The following BABAM2 variants were observed in gnomAD, a reference collection of about 807,000 sequenced individuals.
The protein encoded by BABAM2 is BRISC and BRCA1 A complex member 2.
In BABAM2, 31 loss-of-function variants were observed where a neutral mutation model predicts 54.7. That is an observed-to-expected ratio of 0.57 (90% CI 0.43 to 0.77). The LOEUF (loss-of-function observed/expected upper bound fraction) is 0.77, where lower values mean the gene tolerates loss of function less well. BABAM2 is among the 30% of genes least tolerant of loss of function. BABAM2 has a pLI of 0.00. For missense variants in BABAM2, 364 were observed against 455.8 expected (o/e 0.80, Z 1.83); for synonymous variants, 167 against 162.9 (o/e 1.03, Z -0.19).
intron 5 of BABAM2, among the ~76,000 whole-genome samples, chr2:28,035,293 C>T (rs1676584673): frequency 6.6e-6 from 1 of 151,978 alleles, no homozygotes; most frequent in Non-Finnish European, 1.5e-5. Flanking sequence ...GAGAGGAGGG[C>T]AAGAGTTGCT....
intron 6 of BABAM2, among the ~76,000 whole-genome samples, chr2:28,091,653 TAG>T: frequency 6.6e-6 from 1 of 152,294 alleles, no homozygotes; most frequent in Middle Eastern, 3.4e-3. Flanking sequence ...TTCTGAGTCT[TAG>T]AGAACTATAA....
chr2:28,253,758 A>G (rs1482355782), intron 10 of BABAM2, among the ~76,000 whole-genome samples: 1 of 152,208 alleles, frequency 6.6e-6, no homozygotes, highest in Non-Finnish European at 1.5e-5. Context: ...TGCACAGGTC[A>G]GAGAGATATG....
Position 28,119,397 on chromosome 2 carries a change from C to T in BABAM2, c.571-9874C>T, listed in dbSNP as rs552410965. Among the ~76,000 whole-genome samples the T allele has an allele frequency of 8.5e-5, 13 of 152,318 alleles. No individual in the cohort carries two copies. In the South Asian group the frequency reaches 2.3e-3, roughly 27 times the overall value. The stretch of plus-strand genomic sequence containing the variant: ...ACTACAAAGGATTCCCCTCACCCAA[C>T]CTCTCTGGCCTCCAGAGTAGGGGCT... On this transcript the variant is annotated intron_variant, in intron 6 of 11. Coordinates refer to ENST00000379624, the MANE Select transcript of BABAM2 (RefSeq NM_199191.3).
At chr2:27,962,312 C>T (rs967528945) in intron 3 of BABAM2, among the ~76,000 whole-genome samples, 2 of 151,984 alleles carry the variant, frequency 1.3e-5, no homozygotes, top group Non-Finnish European at 1.5e-5. Flanking sequence ...TGCTTTATTG[C>T]CTAGGGTGGT....
chr2:28,167,555 A>G (rs1673821515), intron 7 of BABAM2, among the ~76,000 whole-genome samples: 1 of 151,960 alleles, frequency 6.6e-6, no homozygotes. Context: ...TTAGCCAGAC[A>G]TTGTGGCGGG....
intron 6 of BABAM2, among the ~76,000 whole-genome samples, chr2:28,054,185 T>A: frequency 6.6e-6 from 1 of 152,114 alleles, no homozygotes; most frequent in East Asian, 1.9e-4. Flanking sequence ...TGGTGCATCA[T>A]AAATAGATAC....
At chr2:28,023,846 A>G (rs555934745) in intron 4 of BABAM2, among the ~76,000 whole-genome samples, 26 of 152,244 alleles carry the variant, frequency 1.7e-4, no homozygotes, top group African/African-American at 6.3e-4. Context: ...AGTAGTGTTG[A>G]TGGTTCTCAA....
rs1347929548 is a variant in BABAM2, at chr2:28,322,953, AAAAG to A, written c.1089-15492_1089-15489del. On this transcript the variant is annotated intron_variant, in intron 11 of 11. Transcript: ENST00000379624. The surrounding 1 kb of genome is among the most constrained non-coding windows in gnomAD (Gnocchi z 4.1). Reference sequence around the variant, plus strand: ...AATATCCCCACATACCTCTGAGCAGAAAAGAAAGCCAGCCCAAGGCAGGAATTTT... The same window carrying A: ...AATATCCCCACATACCTCTGAGCAGAAAAGCCAGCCCAAGGCAGGAATTTT... Among the ~76,000 whole-genome samples, 1 of 152,224 alleles carries A rather than the reference AAAAG, an allele frequency of 6.6e-6. No homozygotes were observed. The highest frequency in any genetic ancestry group is 1.5e-5 in the Non-Finnish European group (1 of 68,038).
rs774724440 is a variant in BABAM2 at position 27,894,657 on chromosome 2, G to A, written c.101G>A (p.Cys34Tyr). ...NGKVGLDATN[C>Y]LRITDLKSGC... Reference sequence around the variant, plus strand: ...AAAGTGGGACTGGATGCTACAAACTGTTTGAGGATAACTGACTTAAAATCT... The same window carrying A: ...AAAGTGGGACTGGATGCTACAAACTATTTGAGGATAACTGACTTAAAATCT... Residue 34 changes from cysteine to tyrosine, a missense_variant, in exon 2 of 12, where the codon TGT (cysteine) becomes TAT (tyrosine). Coordinates refer to ENST00000379624, the MANE Select transcript of BABAM2 (RefSeq NM_199191.3). 2.9e-5 allele frequency: 46 copies of A among 1,614,020 alleles called. No homozygotes were observed. The highest frequency in any genetic ancestry group is 3.9e-5 in the Non-Finnish European group (46 of 1,180,020).
intron 6 of BABAM2, among the ~76,000 whole-genome samples, chr2:28,102,110 C>G (rs1449874415): frequency 1.3e-5 from 2 of 152,160 alleles, no homozygotes; most frequent in Admixed American, 6.5e-5. Flanking sequence ...AAGGTAGGCT[C>G]TAAGAGGAGG....
intron 10 of BABAM2, among the ~76,000 whole-genome samples, chr2:28,277,748 C>T (rs906894371): frequency 2.0e-5 from 3 of 152,174 alleles, no homozygotes; most frequent in African/African-American, 4.8e-5. Context: ...AGGAGAAAAG[C>T]CTTGTGTACC....
intron 2 of BABAM2, among the ~76,000 whole-genome samples, chr2:27,928,516 G>T (rs1237588946): frequency 2.6e-5 from 4 of 152,144 alleles, no homozygotes; most frequent in Non-Finnish European, 5.9e-5. Flanking sequence ...TTAACGTGGG[G>T]TCTGAGTTAC....
rs1031214561 is a variant in BABAM2 at position 28,100,189 on chromosome 2, C to A, written c.571-29082C>A. 4.6e-5 allele frequency among the ~76,000 whole-genome samples: 7 copies of A among 152,112 alleles called. No individual in the cohort carries two copies. The East Asian group carries it at 1.4e-3, about 29-fold the overall frequency. ...CCTTGGCCAGGCACAGTGGCTCACA[C>A]CTGTAGTCCCAGCACTTTGGGAGGC... On this transcript the variant is annotated intron_variant, in intron 6 of 11. Transcript: ENST00000379624.
At chr2:28,277,676 T>A (rs1366093689) in intron 10 of BABAM2, among the ~76,000 whole-genome samples, 1 of 152,222 alleles carries the variant, frequency 6.6e-6, no homozygotes, top group Non-Finnish European at 1.5e-5. Flanking sequence ...ACCTGCTATG[T>A]CTGTAGCACT....
chr2:27,924,228 A>T (rs1173149647), intron 2 of BABAM2, among the ~76,000 whole-genome samples: 1 of 152,094 alleles, frequency 6.6e-6, no homozygotes, highest in Non-Finnish European at 1.5e-5. Flanking sequence ...ACTTACTTGA[A>T]GTGGGGATGG....
intron 7 of BABAM2, among the ~76,000 whole-genome samples, chr2:28,204,344 A>T (rs192510162): frequency 1.4e-3 from 217 of 152,270 alleles, no homozygotes; most frequent in African/African-American, 5.0e-3. Flanking sequence ...TGAAAATGTG[A>T]TGTTTAGGCC....
chr2:28,143,996 G>A (rs997207625), intron 7 of BABAM2, among the ~76,000 whole-genome samples: 4 of 152,176 alleles, frequency 2.6e-5, no homozygotes, highest in Non-Finnish European at 4.4e-5. Context: ...GCACACACTG[G>A]TTAAGACCAC....
At chr2:28,259,566 A>T (rs1558480179) in intron 10 of BABAM2, among the ~76,000 whole-genome samples, 1 of 152,198 alleles carries the variant, frequency 6.6e-6, no homozygotes, top group African/African-American at 2.4e-5. Context: ...TGTGTCTTTC[A>T]TAGAGCAAAA....
chr2:28,280,396 T>C (rs1360743149), intron 10 of BABAM2, among the ~76,000 whole-genome samples: 1 of 152,046 alleles, frequency 6.6e-6, no homozygotes, highest in Non-Finnish European at 1.5e-5. Flanking sequence ...ATCCCACAGG[T>C]CATTCTTTAA....
Sources: allele counts gnomAD v4.1 joint callset (sites outside exome capture counted in the v4.1 genomes callset), GRCh38; gene constraint gnomAD v4.1.1; non-coding constraint Gnocchi (gnomAD v3.1); transcripts MANE v1.5; gene names NCBI Gene and HGNC (gene_info 2026-07-23, HGNC 2026-07-21).